LRRFIP1: variants seen among roughly 807,000 people sequenced by gnomAD.
LRRFIP1 encodes the protein LRR binding FLII interacting protein 1.
In LRRFIP1, 62 loss-of-function variants were observed where a neutral mutation model predicts 104.4. The ratio of observed to expected loss-of-function variants is 0.59; its 90% confidence interval spans 0.48 to 0.73. The LOEUF (loss-of-function observed/expected upper bound fraction) is 0.73, where lower values mean the gene tolerates loss of function less well. Ranked by LOEUF, LRRFIP1 falls within the 30% of genes least tolerant of loss-of-function variation. The pLI, the probability that LRRFIP1 is intolerant of heterozygous loss-of-function variation, is 0.00. For missense variants in LRRFIP1, 796 were observed against 824.5 expected, an observed-to-expected ratio of 0.97 and a Z score of 0.42; for synonymous variants, 300 against 299.0, an observed-to-expected ratio of 1.00 and a Z score of -0.03.
chr2:237,750,548 G>A (rs1019379353), intron 13 of LRRFIP1, among the ~76,000 whole-genome samples: 2 of 151,930 alleles, frequency 1.3e-5, no homozygotes, highest in Non-Finnish European at 2.9e-5. Flanking sequence ...TGTTGGCCAG[G>A]CTGGTCTTGA....
rs1344873789 is a variant in LRRFIP1, at chr2:237,703,079, C to T, written c.97-5465C>T. 6.6e-6 allele frequency among the ~76,000 whole-genome samples: 1 copy of T among 152,142 alleles called. No homozygotes were observed. Among genetic ancestry groups the T allele is most frequent in the African/African-American group, 2.4e-5 (1 of 41,426 alleles). ...CTGTAGGGTGGGGACAGACCAGCCC[C>T]CATGAACCCTAGCGAGGGCCATGCC... is the stretch of plus-strand genomic sequence containing the variant. On this transcript the variant is annotated intron_variant, in intron 1 of 23. Coordinates refer to ENST00000308482, the MANE Select transcript of LRRFIP1 (RefSeq NM_001137550.2). This position sits in a 1 kb window ranked among gnomAD's most constrained non-coding sequence, Gnocchi z 4.3.
Position 237,750,250 on chromosome 2 carries a change from A to G in LRRFIP1, c.795+926A>G, listed in dbSNP as rs535695993. The stretch of plus-strand genomic sequence containing the variant: ...TACAAAACCAGAAGAGCCATTTCCC[A>G]TGTGCCACCCCTGGGCCACCTGCAG... On this transcript the variant is annotated intron_variant, in intron 13 of 23. Transcript: ENST00000308482. 8.9e-4 allele frequency among the ~76,000 whole-genome samples: 131 copies of G among 146,420 alleles called. 1 individual carries two copies. The highest frequency in any genetic ancestry group is 1.5e-3 in the Non-Finnish European group (103 of 67,048).
chr2:237,702,763 A>G (rs2093608279), intron 1 of LRRFIP1, among the ~76,000 whole-genome samples: 1 of 152,116 alleles, frequency 6.6e-6, no homozygotes, highest in African/African-American at 2.4e-5. Context: ...ACGACTCCAC[A>G]TACTGGGCAA....
chr2:237,705,039 G>A (rs776875218), intron 1 of LRRFIP1, among the ~76,000 whole-genome samples: 2 of 152,214 alleles, frequency 1.3e-5, no homozygotes, highest in African/African-American at 2.4e-5. Flanking sequence ...GAGCAGCGGG[G>A]TCTGACAGGG....
intron 7 of LRRFIP1, 72 bp downstream of exon 7, chr2:237,723,658 C>A: frequency 1.3e-6 from 2 of 1,566,954 alleles, no homozygotes; most frequent in Non-Finnish European, 1.8e-6. Flanking sequence ...TGTGGTATTT[C>A]CACGAATCTC....
rs764869813 is a variant in LRRFIP1, at chr2:237,720,791, G to A, written c.314G>A (p.Arg105His). The change falls in exon 6 of 24, where the codon CGC becomes CAC. Residue 105 changes from arginine to histidine, a missense_variant. Transcript: ENST00000308482. The part of the protein sequence containing the change: ...RNTSASDEDE[R>H]MSVGSRGSLR... The stretch of plus-strand genomic sequence containing the variant: ...TAATAGGCTTCTGATGAAGACGAGC[G>A]CATGTCAGTGGGTAGTCGTGGAAGC... The A allele has an allele frequency of 5.6e-6, 9 of 1,613,944 alleles. No homozygotes were observed. The highest frequency in any genetic ancestry group is 4.5e-5 in the East Asian group (2 of 44,882).
At chr2:237,699,068 T>G (rs2093359172) in intron 1 of LRRFIP1, among the ~76,000 whole-genome samples, 1 of 152,218 alleles carries the variant, frequency 6.6e-6, no homozygotes, top group South Asian at 2.1e-4. Flanking sequence ...CACACACCTG[T>G]GCCTGGCGTC....
At chr2:237,710,321 TC>T (rs2094008331) in intron 2 of LRRFIP1, among the ~76,000 whole-genome samples, 2 of 151,962 alleles carry the variant, frequency 1.3e-5, no homozygotes, top group Non-Finnish European at 2.9e-5. Flanking sequence ...TCTTGCTTTG[TC>T]GCCCAGGCTG....
At chr2:237,710,374 CCT>C (rs1327124796) in intron 2 of LRRFIP1, among the ~76,000 whole-genome samples, 1 of 151,934 alleles carries the variant, frequency 6.6e-6, no homozygotes, top group East Asian at 1.9e-4. Flanking sequence ...ACCTCCCTCT[CCT>C]GGGTTCAAGC....
intron 15 of LRRFIP1, 47 bp downstream of exon 15, chr2:237,753,526 T>C: frequency 6.8e-7 from 1 of 1,476,324 alleles, no homozygotes; most frequent in Non-Finnish European, 9.0e-7. Flanking sequence ...CTGCGTGCAG[T>C]GGCCCATGCC....
chr2:237,673,585 T>C (rs1158874315), intron 1 of LRRFIP1, among the ~76,000 whole-genome samples: 2 of 152,242 alleles, frequency 1.3e-5, no homozygotes, highest in African/African-American at 4.8e-5. Context: ...AAAGTGCGGC[T>C]GCCCCCGGTC....
intron 1 of LRRFIP1, among the ~76,000 whole-genome samples, chr2:237,700,996 C>T (rs2093491222): frequency 6.6e-6 from 1 of 152,156 alleles, no homozygotes; most frequent in Non-Finnish European, 1.5e-5. Context: ...AGTTTAAAAG[C>T]AGAGTAAGAA....
At chr2:237,650,649 G>A (rs1178906239) in intron 1 of LRRFIP1, among the ~76,000 whole-genome samples, 1 of 152,250 alleles carries the variant, frequency 6.6e-6, no homozygotes, top group Non-Finnish European at 1.5e-5. Context: ...GACCAGGCTG[G>A]ACGTTGGCAC....
At position 237,674,977 on chromosome 2, in the gene LRRFIP1, G is replaced by A. The variant is rs577091550; in HGVS notation, c.97-33567G>A. ...CCTGCCCCCAGAGAGAGCCTGGGCA[G>A]TGGGAGGAGGGAGCCCGGAGCACGC... On this transcript the variant is annotated intron_variant, in intron 1 of 23. Coordinates refer to ENST00000308482, the MANE Select transcript of LRRFIP1 (RefSeq NM_001137550.2). Among the ~76,000 whole-genome samples, 86 of 152,374 alleles carry A rather than the reference G, an allele frequency of 5.6e-4. 3 individuals carry two copies. The South Asian group carries it at 0.017, about 31-fold the overall frequency.
chr2:237,673,054 A>G (rs1353721423), intron 1 of LRRFIP1, among the ~76,000 whole-genome samples: 1 of 152,258 alleles, frequency 6.6e-6, no homozygotes, highest in Non-Finnish European at 1.5e-5. Flanking sequence ...TTTGTGAGAC[A>G]GTGAAGGAGG....
chr2:237,692,861 A>G (rs1039916454), intron 1 of LRRFIP1, among the ~76,000 whole-genome samples: 3 of 152,332 alleles, frequency 2.0e-5, no homozygotes, highest in African/African-American at 4.8e-5. Flanking sequence ...CTAGTTTGCT[A>G]TTTTACAAAA....
At chr2:237,720,847 TG>T (rs757521112) in intron 6 of LRRFIP1, 25 bp downstream of exon 6, 18 of 1,610,160 alleles carry the variant, frequency 1.1e-5, no homozygotes, top group Non-Finnish European at 1.5e-5. Flanking sequence ...TGATGGAGTT[TG>T]CATGGCACAG....
In LRRFIP1 at chr2:237,700,000, G is replaced by A. The variant is rs148795033; in HGVS notation, c.97-8544G>A. On this transcript the variant is annotated intron_variant, in intron 1 of 23. Coordinates refer to ENST00000308482, the MANE Select transcript of LRRFIP1 (RefSeq NM_001137550.2). ...CTGAGATACAGTGCACATCGCCTCT[G>A]GGGGACATGGGGTGGTGGGTACACG... Among the ~76,000 whole-genome samples, 245 of 152,298 alleles carry A rather than the reference G, an allele frequency of 1.6e-3. 1 individual carries two copies. Among genetic ancestry groups the A allele is most frequent in the African/African-American group, 5.6e-3 (231 of 41,570 alleles).
intron 1 of LRRFIP1, among the ~76,000 whole-genome samples, chr2:237,676,037 T>C (rs1387160688): frequency 6.6e-6 from 1 of 152,238 alleles, no homozygotes; most frequent in Non-Finnish European, 1.5e-5. Context: ...TGGTTTTAAG[T>C]GCGCTAGTGT....
Sources: gnomAD v4.1 joint callset for allele counts (sites outside exome capture counted in the v4.1 genomes callset) on GRCh38, gnomAD v4.1.1 for gene constraint, Gnocchi (gnomAD v3.1) non-coding constraint, MANE v1.5 for transcripts, NCBI Gene and HGNC (gene_info 2026-07-23, HGNC 2026-07-21) for gene names.